DACH1: variants seen among roughly 807,000 people sequenced by gnomAD.
DACH1 encodes dachshund family transcription factor 1, also known as dachshund homolog 1.
In DACH1, 12 loss-of-function variants were observed where a neutral mutation model predicts 54.2. The ratio of observed to expected loss-of-function variants is 0.22; its 90% CI spans 0.14 to 0.36. The LOEUF (loss-of-function observed/expected upper bound fraction) is 0.36, where lower values mean the gene tolerates loss of function less well. Among genes scored for constraint, DACH1 ranks in the 10% least tolerant of loss-of-function variants. The pLI is 1.00. For synonymous variants in DACH1, 386 were observed against 366.2 expected (o/e 1.05, Z -0.62); for missense variants, 805 against 929.8 (o/e 0.87, Z 1.75).
intron 1 of DACH1, among the ~76,000 whole-genome samples, chr13:71,805,037 A>T (rs963470908): frequency 1.3e-5 from 2 of 152,200 alleles, no homozygotes; most frequent in East Asian, 3.9e-4. Context: ...AGTAAATTTT[A>T]AAATTTAGCT....
At chr13:71,817,650 G>A (rs780798489) in intron 1 of DACH1, among the ~76,000 whole-genome samples, 20 of 151,958 alleles carry the variant, frequency 1.3e-4, no homozygotes, top group Non-Finnish European at 2.2e-4. Flanking sequence ...GGAAAAGAAA[G>A]TAAAACATCT....
intron 2 of DACH1, among the ~76,000 whole-genome samples, chr13:71,670,275 A>T (rs1880131446): frequency 6.6e-6 from 1 of 152,168 alleles, no homozygotes; most frequent in Non-Finnish European, 1.5e-5. Context: ...TATCATTTTG[A>T]AAATCAGCTT....
chr13:71,679,160 G>A (rs1045059326), intron 2 of DACH1, among the ~76,000 whole-genome samples: 3 of 152,096 alleles, frequency 2.0e-5, no homozygotes, highest in Admixed American at 6.5e-5. Context: ...GAAAATGATC[G>A]TACTTTAAAA....
At chr13:71,644,711 C>A (rs1878149575) in intron 2 of DACH1, among the ~76,000 whole-genome samples, 1 of 151,782 alleles carries the variant, frequency 6.6e-6, no homozygotes, top group South Asian at 2.1e-4. Flanking sequence ...AACTGGGGCT[C>A]TACTTCATTC....
chr13:71,679,236 T>C (rs1880753228), intron 2 of DACH1, among the ~76,000 whole-genome samples: 1 of 152,228 alleles, frequency 6.6e-6, no homozygotes, highest in Non-Finnish European at 1.5e-5. Flanking sequence ...GCATAATACA[T>C]TTCAGAAAGA....
chr13:71,731,404 G>T (rs768755740), intron 1 of DACH1, among the ~76,000 whole-genome samples: 9 of 149,370 alleles, frequency 6.0e-5, no homozygotes, highest in Non-Finnish European at 1.2e-4. Context: ...CCATTCTCCT[G>T]CCTCAGCCTC....
At chr13:71,865,280 C>T (rs1593665614) in intron 1 of DACH1, among the ~76,000 whole-genome samples, 1 of 152,196 alleles carries the variant, frequency 6.6e-6, no homozygotes, top group African/African-American at 2.4e-5. Flanking sequence ...GGAGCCCATC[C>T]CCCGGGATGG....
intron 1 of DACH1, among the ~76,000 whole-genome samples, chr13:71,722,918 A>G (rs1883296278): frequency 6.6e-6 from 1 of 152,098 alleles, no homozygotes; most frequent in Non-Finnish European, 1.5e-5. Flanking sequence ...CTCAATGCTT[A>G]GGAGCAGGGG....
chr13:71,821,212 C>A (rs779828384), intron 1 of DACH1, among the ~76,000 whole-genome samples: 22 of 152,138 alleles, frequency 1.4e-4, no homozygotes, highest in Non-Finnish European at 2.6e-4. Flanking sequence ...TGCTTAGTTC[C>A]TTTTAACTGA....
chr13:71,494,730 T>C (rs1246064797), intron 6 of DACH1, among the ~76,000 whole-genome samples: 1 of 152,028 alleles, frequency 6.6e-6, no homozygotes, highest in South Asian at 2.1e-4. Context: ...TTAATAATTA[T>C]ATAATAAATA....
intron 4 of DACH1, among the ~76,000 whole-genome samples, chr13:71,569,198 T>C (rs1181608452): frequency 6.6e-6 from 1 of 152,158 alleles, no homozygotes; most frequent in Non-Finnish European, 1.5e-5. Flanking sequence ...TTGGTTCTAT[T>C]GTGTTTGAGA....
intron 2 of DACH1, among the ~76,000 whole-genome samples, chr13:71,638,836 CTT>C (rs561997647): frequency 6.6e-6 from 1 of 152,272 alleles, no homozygotes; most frequent in African/African-American, 2.4e-5. Flanking sequence ...TACAGAGAAA[CTT>C]AATGCCTTAC....
intron 2 of DACH1, among the ~76,000 whole-genome samples, chr13:71,664,713 A>G (rs961905244): frequency 2.6e-5 from 4 of 152,200 alleles, no homozygotes; most frequent in Middle Eastern, 3.4e-3. Flanking sequence ...TAATAAACAC[A>G]AAGGAAATAT....
chr13:71,446,596 G>T (rs1475861957), intron 10 of DACH1, among the ~76,000 whole-genome samples: 1 of 152,146 alleles, frequency 6.6e-6, no homozygotes, highest in African/African-American at 2.4e-5. Context: ...ACATTTCTGT[G>T]AATTCAAATT....
intron 1 of DACH1, among the ~76,000 whole-genome samples, chr13:71,796,783 T>A (rs1255005567): frequency 6.6e-6 from 1 of 152,108 alleles, no homozygotes; most frequent in Non-Finnish European, 1.5e-5. Context: ...ATAAACATAT[T>A]CAATTAGAAA....
At chr13:71,680,347 A>G (rs1880825828) in intron 2 of DACH1, among the ~76,000 whole-genome samples, 1 of 152,202 alleles carries the variant, frequency 6.6e-6, no homozygotes, top group Non-Finnish European at 1.5e-5. Flanking sequence ...CATGCCCGTA[A>G]TCCAGGAACT....
At chr13:71,708,443 GAA>G (rs1263065102) in intron 1 of DACH1, among the ~76,000 whole-genome samples, 11 of 152,084 alleles carry the variant, frequency 7.2e-5, no homozygotes, top group Non-Finnish European at 1.3e-4. Context: ...CAGATCTGGA[GAA>G]AGAGATTGCA....
Position 71,559,915 on chromosome 13 carries a change from T to C in DACH1, c.1340A>G (p.Glu447Gly). The C allele has an allele frequency of 1.2e-6, 2 of 1,605,984 alleles. No individual in the cohort carries two copies. Among genetic ancestry groups the C allele is most frequent in the Non-Finnish European group, 1.7e-6 (2 of 1,176,258 alleles). Reference sequence around the variant, plus strand: ...GTGACTGCCAGGCCTTCTCCCCTCCTCCAGAGAGGGGGCAGGTGAGGGGCT... The same window carrying C: ...GTGACTGCCAGGCCTTCTCCCCTCCCCCAGAGAGGGGGCAGGTGAGGGGCT... ...PDSPSPAPSL[E>G]EGRRPGSHPS... Residue 447 changes from glutamate to glycine, a missense_variant, in exon 5 of 11, where the codon GAG becomes GGG. This residue lies in a region of DACH1 where 472 missense variants were observed against 545.3 expected (regional missense o/e 0.87). Transcript: ENST00000613252.
intron 10 of DACH1, among the ~76,000 whole-genome samples, chr13:71,469,455 C>T (rs1172099493): frequency 6.6e-6 from 1 of 151,588 alleles, no homozygotes; most frequent in African/African-American, 2.4e-5. Flanking sequence ...ATAACAACAA[C>T]AATAATAATA....
Sources: allele counts gnomAD v4.1 joint callset (sites outside exome capture counted in the v4.1 genomes callset), GRCh38; gene constraint gnomAD v4.1.1; regional missense constraint gnomAD v4.1.1; transcripts MANE v1.5; gene names NCBI Gene and HGNC (gene_info 2026-07-23, HGNC 2026-07-21).